PCDHGA2: variants seen among roughly 807,000 people sequenced by gnomAD.
The protein encoded by PCDHGA2 is protocadherin gamma-A2.
In PCDHGA2, 40 loss-of-function variants were observed where a neutral mutation model predicts 59.2. That is an observed-to-expected ratio of 0.68 (90% CI 0.52 to 0.88). The LOEUF is 0.88. Ranked by LOEUF, PCDHGA2 falls within the 40% of genes least tolerant of loss-of-function variation. The pLI is 0.00. For missense variants in PCDHGA2, 1,226 were observed against 1,204.0 expected (o/e 1.02, Z -0.27); for synonymous variants, 560 against 526.0 (o/e 1.06, Z -0.89).
rs553772792 is a variant in PCDHGA2, at chr5:141,444,542, G to A, written c.2425-50265G>A. ...AGGTGAGACAGTGACTGTGTCTAGT[G>A]AGCAAAAGGCACTTATTTGACACTT... On this transcript the variant is annotated intron_variant, in intron 1 of 3. Coordinates refer to ENST00000394576, the MANE Select transcript of PCDHGA2 (RefSeq NM_018915.4). 3.3e-5 allele frequency among the ~76,000 whole-genome samples: 5 copies of A among 152,156 alleles called. No individual in the cohort carries two copies. The East Asian group carries it at 7.7e-4, about 24-fold the overall frequency.
intron 1 of PCDHGA2, chr5:141,356,834 A>C: frequency 6.2e-7 from 1 of 1,614,166 alleles, no homozygotes; most frequent in Non-Finnish European, 8.5e-7. Flanking sequence ...CTCAGCAGCA[A>C]TGTGTCACTG....
At chr5:141,376,313 G>A in intron 1 of PCDHGA2, 1 of 1,614,230 alleles carries the variant, frequency 6.2e-7, no homozygotes, top group Non-Finnish European at 8.5e-7. Flanking sequence ...TGTGGGCGTG[G>A]AAGGGGTTCG....
At chr5:141,362,939 AG>A (rs1156531907) in intron 1 of PCDHGA2, among the ~76,000 whole-genome samples, 1 of 152,198 alleles carries the variant, frequency 6.6e-6, no homozygotes, top group Non-Finnish European at 1.5e-5. Flanking sequence ...TCTTCATTTT[AG>A]TAGGCTTTGG....
chr5:141,376,016 G>A, intron 1 of PCDHGA2: 7 of 1,613,318 alleles, frequency 4.3e-6, no homozygotes, highest in Non-Finnish European at 5.9e-6. Flanking sequence ...CCTAGTGGTG[G>A]CCGTCCAGGA....
rs142628885 is a variant in PCDHGA2 at position 141,404,093 on chromosome 5, C to T, written c.2424+62698C>T. ...TGACCGAGACTCCGGGAAGAATGGT[C>T]AAGTTGTCTGTTCTATCCAGGAGAA... On this transcript the variant is annotated intron_variant, in intron 1 of 3. Coordinates refer to ENST00000394576, the MANE Select transcript of PCDHGA2 (RefSeq NM_018915.4). The T allele has an allele frequency of 9.4e-5, 152 of 1,613,326 alleles. 2 individuals carry two copies. In the East Asian group the frequency reaches 3.4e-3, roughly 36 times the overall value.
intron 1 of PCDHGA2, chr5:141,394,793 C>T (rs1178290546): frequency 1.1e-5 from 17 of 1,613,654 alleles, no homozygotes; most frequent in African/African-American, 2.7e-5. Flanking sequence ...CTGTCACGCT[C>T]ACCGTAGCCG....
intron 1 of PCDHGA2, chr5:141,367,040 T>C: frequency 2.8e-6 from 1 of 353,316 alleles, no homozygotes; most frequent in Non-Finnish European, 5.1e-6. Flanking sequence ...TGCAGTTCTA[T>C]TAATAGAAAA....
chr5:141,383,984 T>C, intron 1 of PCDHGA2: 1 of 1,613,834 alleles, frequency 6.2e-7, no homozygotes, highest in African/African-American at 1.3e-5. Context: ...GACACACCTC[T>C]TGGGACAGTC....
intron 1 of PCDHGA2, among the ~76,000 whole-genome samples, chr5:141,381,794 T>C (rs901900634): frequency 1.3e-4 from 19 of 150,606 alleles, no homozygotes; most frequent in Admixed American, 9.3e-4. Context: ...GGCAAGGCAA[T>C]TCCCTCTTTC....
Position 141,476,116 on chromosome 5 carries a change from G to C in PCDHGA2, c.2425-18691G>C, listed in dbSNP as rs367958555. On this transcript the variant is annotated intron_variant, in intron 1 of 3. Transcript: ENST00000394576. The surrounding 1 kb of genome is among the most constrained non-coding windows in gnomAD (Gnocchi z 7.6). ...GCTGAGAGGAACTGCTTTTGAGTGA[G>C]ATGGTCCCAGAGGCCTGGAGGAGCG... 504 of 1,593,954 alleles carry C rather than the reference G, an allele frequency of 3.2e-4. No individual in the cohort carries two copies. Among genetic ancestry groups the C allele is most frequent in the Non-Finnish European group, 4.1e-4 (479 of 1,172,292 alleles).
rs71583649 is a variant in PCDHGA2, at chr5:141,491,361, C to A, written c.2425-3446C>A. On this transcript the variant is annotated intron_variant, in intron 1 of 3. Transcript: ENST00000394576. The surrounding 1 kb of genome is among the most constrained non-coding windows in gnomAD (Gnocchi z 6.9). The stretch of plus-strand genomic sequence containing the variant: ...CGACCGTCAGTCTCTTATCCCTAGT[C>A]ACCTTCACCTTTCTGTCAGCGAAGT... 1.0e-3 allele frequency: 1,614 copies of A among 1,614,132 alleles called. 5 individuals carry two copies. The highest frequency in any genetic ancestry group is 5.1e-3 in the Middle Eastern group (31 of 6,062).
chr5:141,425,482 C>G (rs1257043728), intron 1 of PCDHGA2, among the ~76,000 whole-genome samples: 1 of 152,192 alleles, frequency 6.6e-6, no homozygotes, highest in East Asian at 1.9e-4. Flanking sequence ...CCTATGGCAA[C>G]CTACTAGGCT....
At chr5:141,355,202 T>C (rs774942581) in intron 1 of PCDHGA2, 105 of 1,597,250 alleles carry the variant, frequency 6.6e-5, no homozygotes, top group Non-Finnish European at 8.4e-5. Context: ...GGGGTTGTAA[T>C]GGCGGCGCCT....
chr5:141,410,332 C>T (rs541138780), intron 1 of PCDHGA2: 2 of 1,614,002 alleles, frequency 1.2e-6, no homozygotes, highest in Non-Finnish European at 1.7e-6. Context: ...TGATTCTGGC[C>T]ATTGCCTTGC....
At chr5:141,369,807 C>A (rs998139632) in intron 1 of PCDHGA2, among the ~76,000 whole-genome samples, 1 of 152,130 alleles carries the variant, frequency 6.6e-6, no homozygotes, top group Non-Finnish European at 1.5e-5. Flanking sequence ...CTGCCATCAC[C>A]AAAAATAGCT....
At chr5:141,373,938 A>G (rs553053363) in intron 1 of PCDHGA2, 2 of 705,416 alleles carry the variant, frequency 2.8e-6, no homozygotes, top group Admixed American at 3.6e-5. Context: ...AAAGCAGGAA[A>G]GCTGTGCAGA....
chr5:141,361,410 C>A (rs759239364), intron 1 of PCDHGA2: 2 of 1,614,052 alleles, frequency 1.2e-6, no homozygotes, highest in South Asian at 2.2e-5. Flanking sequence ...TCACAGCCAC[C>A]GACGGGGGCA....
intron 1 of PCDHGA2, chr5:141,398,587 C>A (rs2093675414): frequency 6.2e-7 from 1 of 1,613,860 alleles, no homozygotes. Flanking sequence ...AAGATTTATA[C>A]TAGAAGTAGC....
At chr5:141,441,196 G>C (rs575668023) in intron 1 of PCDHGA2, 2 of 152,266 alleles carry the variant, frequency 1.3e-5, no homozygotes, top group East Asian at 3.9e-4. Flanking sequence ...GATTCCCAAA[G>C]ATTCTGCACC....
Sources: gnomAD v4.1 joint callset for allele counts (sites outside exome capture counted in the v4.1 genomes callset) on GRCh38, gnomAD v4.1.1 for gene constraint, Gnocchi (gnomAD v3.1) non-coding constraint, MANE v1.5 for transcripts, NCBI Gene and HGNC (gene_info 2026-07-23, HGNC 2026-07-21) for gene names.